ERC2: variants seen among roughly 807,000 people sequenced by gnomAD.
The protein encoded by ERC2 is ERC protein 2.
In ERC2, 42 loss-of-function variants were observed where a neutral mutation model predicts 114.8. The observed-to-expected ratio is 0.37, with a 90% confidence interval of 0.29 to 0.47. The LOEUF (loss-of-function observed/expected upper bound fraction) is 0.47, where lower values mean the gene tolerates loss of function less well. ERC2 is among the 20% of genes least tolerant of loss of function. The pLI is 0.99. For synonymous variants in ERC2, 454 were observed against 425.5 expected (o/e 1.07, Z -0.82); for missense variants, 939 against 1,150.7 (o/e 0.82, Z 2.66).
intron 6 of ERC2, among the ~76,000 whole-genome samples, chr3:56,100,207 T>C (rs1360349980): frequency 2.0e-5 from 3 of 152,254 alleles, no homozygotes; most frequent in African/African-American, 7.2e-5. Context: ...TTGAATAACG[T>C]TATTTTTCAA....
chr3:56,066,985 T>G (rs2076512049), intron 7 of ERC2, among the ~76,000 whole-genome samples: 1 of 152,220 alleles, frequency 6.6e-6, no homozygotes, highest in African/African-American at 2.4e-5. Context: ...AGCGGCATAA[T>G]GCCTCCAGCT....
intron 17 of ERC2, among the ~76,000 whole-genome samples, chr3:55,603,974 C>G (rs1327711370): frequency 6.6e-6 from 1 of 151,538 alleles, no homozygotes; most frequent in Non-Finnish European, 1.5e-5. Context: ...GATGATTTCA[C>G]CCCCCCCAGC....
At chr3:56,017,805 C>A (rs1351140813) in intron 8 of ERC2, among the ~76,000 whole-genome samples, 1 of 152,112 alleles carries the variant, frequency 6.6e-6, no homozygotes, top group South Asian at 2.1e-4. Flanking sequence ...TCCATTAGAG[C>A]CAGGATTTTC....
At chr3:56,180,767 C>G (rs1233176219) in intron 3 of ERC2, among the ~76,000 whole-genome samples, 1 of 152,156 alleles carries the variant, frequency 6.6e-6, no homozygotes, top group African/African-American at 2.4e-5. Flanking sequence ...TTGAACTGTA[C>G]ATTTAAAAGT....
intron 14 of ERC2, among the ~76,000 whole-genome samples, chr3:55,806,798 C>A (rs559364008): frequency 2.0e-5 from 3 of 152,160 alleles, no homozygotes; most frequent in African/African-American, 7.2e-5. Context: ...CCCAGCTCTA[C>A]CCCTAAGTAG....
At chr3:55,828,477 G>A (rs531801029) in intron 14 of ERC2, among the ~76,000 whole-genome samples, 2 of 108,840 alleles carry the variant, frequency 1.8e-5, no homozygotes, top group Admixed American at 2.0e-4. Context: ...GGCAGCAGGG[G>A]CAGCAGGGGC....
intron 3 of ERC2, among the ~76,000 whole-genome samples, chr3:56,244,848 T>G (rs1168427842): frequency 6.6e-6 from 1 of 152,196 alleles, no homozygotes; most frequent in African/African-American, 2.4e-5. Flanking sequence ...CTTCCAGTCC[T>G]GTAAACTCCA....
intron 6 of ERC2, among the ~76,000 whole-genome samples, chr3:56,082,064 T>C (rs1485190004): frequency 6.6e-6 from 1 of 150,956 alleles, no homozygotes; most frequent in Non-Finnish European, 1.5e-5. Context: ...AGCATTTACT[T>C]TTTTTATTGG....
At chr3:55,640,288 G>A (rs1179702734) in intron 17 of ERC2, among the ~76,000 whole-genome samples, 1 of 152,142 alleles carries the variant, frequency 6.6e-6, no homozygotes, top group Non-Finnish European at 1.5e-5. Flanking sequence ...TTCCAAGAAT[G>A]GCCTTGTAGC....
At chr3:55,863,787 AATT>A (rs1264240889) in intron 14 of ERC2, among the ~76,000 whole-genome samples, 1 of 152,024 alleles carries the variant, frequency 6.6e-6, no homozygotes, top group Non-Finnish European at 1.5e-5. Flanking sequence ...TTAATATATA[AATT>A]ATTACTGAGA....
At chr3:56,146,967 C>T (rs1400396565) in intron 5 of ERC2, among the ~76,000 whole-genome samples, 1 of 152,210 alleles carries the variant, frequency 6.6e-6, no homozygotes, top group Admixed American at 6.5e-5. Flanking sequence ...TCATGACTTG[C>T]TGAAGATCAT....
At chr3:56,190,521 C>T (rs2083918692) in intron 3 of ERC2, among the ~76,000 whole-genome samples, 2 of 152,178 alleles carry the variant, frequency 1.3e-5, no homozygotes, top group Non-Finnish European at 2.9e-5. Context: ...GCAGCCTCAA[C>T]CTCCCTGAGC....
At chr3:56,360,281 G>A (rs986988257) in intron 2 of ERC2, among the ~76,000 whole-genome samples, 42 of 151,858 alleles carry the variant, frequency 2.8e-4, no homozygotes, top group African/African-American at 1.0e-3. Context: ...TGATCCGCCT[G>A]CCTCAGCCTC....
chr3:56,288,802 ATCAG>A (rs1357022775), intron 3 of ERC2, among the ~76,000 whole-genome samples: 9 of 152,242 alleles, frequency 5.9e-5, no homozygotes, highest in Admixed American at 5.9e-4. Context: ...TCAAACTAGC[ATCAG>A]TCAATGAAAA....
chr3:55,970,407 A>C (rs1393214548), intron 12 of ERC2, among the ~76,000 whole-genome samples: 2 of 151,856 alleles, frequency 1.3e-5, no homozygotes, highest in African/African-American at 4.8e-5. Flanking sequence ...TTAGTAATAA[A>C]AATTACTAAT....
rs142617153 is a variant in ERC2, at chr3:55,935,238, T to C, written c.2403+15187A>G. Among the ~76,000 whole-genome samples, 5 of 152,326 alleles carry C rather than the reference T, an allele frequency of 3.3e-5. No individual in the cohort carries two copies. In the East Asian group the frequency reaches 7.7e-4, roughly 24 times the overall value. ...ATGATCTCTTGCATGGCTTTCAAGG[T>C]GGCCAGAGGAGTTCCAGAAAGCTTT... On this transcript the variant is annotated intron_variant, in intron 13 of 17. Coordinates refer to ENST00000288221, the MANE Select transcript of ERC2 (RefSeq NM_015576.3).
At chr3:56,180,360 T>C (rs1211578591) in intron 3 of ERC2, among the ~76,000 whole-genome samples, 2 of 152,222 alleles carry the variant, frequency 1.3e-5, no homozygotes, top group Non-Finnish European at 2.9e-5. Context: ...GCTTTAGATT[T>C]GTACACCCAA....
At chr3:55,553,376 G>A (rs1289520654) in intron 17 of ERC2, among the ~76,000 whole-genome samples, 1 of 151,898 alleles carries the variant, frequency 6.6e-6, no homozygotes, top group East Asian at 1.9e-4. Context: ...AAATGCACTG[G>A]CACTATGCTG....
chr3:56,150,268 C>T (rs1401200354), intron 4 of ERC2, among the ~76,000 whole-genome samples: 1 of 152,068 alleles, frequency 6.6e-6, no homozygotes, highest in Non-Finnish European at 1.5e-5. Context: ...TTTTAAAAAC[C>T]TTGCAACAAA....
Sources: allele counts gnomAD v4.1 joint callset (sites outside exome capture counted in the v4.1 genomes callset), GRCh38; gene constraint gnomAD v4.1.1; transcripts MANE v1.5; gene names NCBI Gene and HGNC (gene_info 2026-07-23, HGNC 2026-07-21).